The following ZRANB1 variants were observed in gnomAD, a reference collection of about 807,000 sequenced individuals.
The protein encoded by ZRANB1 is ubiquitin thioesterase ZRANB1.
A neutral mutation model predicts 80.5 loss-of-function variants in ZRANB1; 16 were observed. That is an observed-to-expected ratio of 0.20 (90% confidence interval 0.13 to 0.30). The LOEUF (loss-of-function observed/expected upper bound fraction) is 0.30, where lower values mean the gene tolerates loss of function less well. Ranked by LOEUF, ZRANB1 falls within the 10% of genes least tolerant of loss-of-function variation. ZRANB1 has a pLI of 1.00. For missense variants in ZRANB1, 576 were observed against 862.6 expected (o/e 0.67, Z 4.16); for synonymous variants, 291 against 293.1 (o/e 0.99, Z 0.07).
the ZRANB1 span, among the ~76,000 whole-genome samples, chr10:124,924,039 C>G: frequency 2.6e-5 from 4 of 151,888 alleles, no homozygotes; most frequent in East Asian, 7.7e-4. Flanking sequence ...GGTTTTTCAT[C>G]CTTTGTCAAG....
chr10:124,943,889 A>C (rs1951558522), intron 1 of ZRANB1, among the ~76,000 whole-genome samples: 1 of 152,246 alleles, frequency 6.6e-6, no homozygotes, highest in African/African-American at 2.4e-5. Context: ...TCAGATGTTA[A>C]AAATACCACA....
chr10:124,941,954 T>C (rs147855692), upstream of ZRANB1, among the ~76,000 whole-genome samples: 41 of 152,364 alleles, frequency 2.7e-4, 2 homozygotes, highest in East Asian at 7.9e-3. Flanking sequence ...TAAGTTGCTT[T>C]TCTCCCTTAG....
the ZRANB1 span, among the ~76,000 whole-genome samples, chr10:124,923,403 C>T: frequency 6.7e-6 from 1 of 150,372 alleles, no homozygotes; most frequent in South Asian, 2.1e-4. Context: ...ACCAACCTGA[C>T]CAACATGGTG....
intron 1 of ZRANB1, among the ~76,000 whole-genome samples, chr10:124,946,789 G>C (rs752792807): frequency 3.3e-5 from 5 of 152,058 alleles, no homozygotes; most frequent in Non-Finnish European, 7.4e-5. Context: ...TTAAAAAAAG[G>C]CTTGAGCAGT....
At chr10:124,962,095 G>T (rs1013130908) in intron 1 of ZRANB1, among the ~76,000 whole-genome samples, 1 of 152,174 alleles carries the variant, frequency 6.6e-6, no homozygotes, top group Admixed American at 6.5e-5. Flanking sequence ...ATATCTCCAG[G>T]TTCAGGATTA....
intron 5 of ZRANB1, among the ~76,000 whole-genome samples, chr10:124,979,856 A>C (rs1024358827): frequency 1.3e-5 from 2 of 152,192 alleles, no homozygotes; most frequent in East Asian, 3.8e-4. Flanking sequence ...CTGGACTCTT[A>C]ATATTTTTCT....
At position 124,984,048 on chromosome 10, in the gene ZRANB1, C is replaced by T. The variant is rs181491141; in HGVS notation, c.1908+360C>T. Among the ~76,000 whole-genome samples, 23 of 151,406 alleles carry T rather than the reference C, an allele frequency of 1.5e-4. No individual in the cohort carries two copies. In the East Asian group the frequency reaches 4.3e-3, roughly 28 times the overall value. ...GCAACAGGGAAAGAGAGAGGGTAGG[C>T]GGCAGGGGGAGGGAGGAAGGGAGAA... On this transcript the variant is annotated intron_variant, in intron 8 of 8. Coordinates refer to ENST00000359653, the MANE Select transcript of ZRANB1 (RefSeq NM_017580.3).
upstream of ZRANB1, among the ~76,000 whole-genome samples, chr10:124,938,152 A>T (rs1407083834): frequency 1.3e-5 from 2 of 152,188 alleles, no homozygotes; most frequent in African/African-American, 2.4e-5. Context: ...AGAGCTGGCT[A>T]CTTTGGAAAT....
chr10:124,936,524 A>T, the ZRANB1 span, among the ~76,000 whole-genome samples: 1 of 152,222 alleles, frequency 6.6e-6, no homozygotes, highest in South Asian at 2.1e-4. Context: ...AGGATTTGAT[A>T]ACCTGGTGAA....
At chr10:124,922,736 C>T in the ZRANB1 span, among the ~76,000 whole-genome samples, 1 of 151,116 alleles carries the variant, frequency 6.6e-6, no homozygotes, top group African/African-American at 2.4e-5. Flanking sequence ...CGTGATCTGC[C>T]CGCCTCTGCC....
Position 124,972,045 on chromosome 10 carries a change from C to G in ZRANB1, c.1083C>G (p.Ala361=). Reference sequence around the variant, plus strand: ...AACAAATCCGGAGAGAGATAGCTGCCTCTCTTCATCAGAGAAAGGGGGATT... The same window carrying G: ...AACAAATCCGGAGAGAGATAGCTGCGTCTCTTCATCAGAGAAAGGGGGATT... ...LTEQIRREIA[A]SLHQRKGDFA... The change falls in exon 3 of 9, where the codon GCC becomes GCG. Residue 361 remains alanine (A), a synonymous_variant. Transcript: ENST00000359653. 6.2e-7 allele frequency: 1 copy of G among 1,613,910 alleles called. No individual in the cohort carries two copies. Among genetic ancestry groups the G allele is most frequent in the Non-Finnish European group, 8.5e-7 (1 of 1,179,846 alleles).
intron 1 of ZRANB1, among the ~76,000 whole-genome samples, chr10:124,964,711 G>A (rs901450210): frequency 7.2e-5 from 11 of 152,162 alleles, no homozygotes; most frequent in African/African-American, 2.7e-4. Flanking sequence ...GAAAAAATTT[G>A]TAAGTAGATA....
At chr10:124,918,257 C>G in the ZRANB1 span, among the ~76,000 whole-genome samples, 2 of 152,168 alleles carry the variant, frequency 1.3e-5, no homozygotes, top group Non-Finnish European at 2.9e-5. Context: ...GTGGCGCTAT[C>G]TCGGCTCACC....
At position 124,984,833 on chromosome 10, in the gene ZRANB1, G is replaced by A. The variant is rs765377262; in HGVS notation, c.1968G>A (p.Thr656=). 13 of 1,613,850 alleles carry A rather than the reference G, an allele frequency of 8.1e-6. No individual in the cohort carries two copies. Among genetic ancestry groups the A allele is most frequent in the South Asian group, 5.5e-5 (5 of 91,058 alleles). ...LLREWLDCCV[T]EGGVLVAMQK... The stretch of plus-strand genomic sequence containing the variant: ...GGGAGTGGCTGGACTGCTGTGTGAC[G>A]GAGGGGGGAGTTCTGGTTGCCATGC... The change falls in exon 9 of 9, where the codon ACG becomes ACA. Residue 656 remains threonine, a synonymous_variant. Coordinates refer to ENST00000359653, the MANE Select transcript of ZRANB1 (RefSeq NM_017580.3).
the ZRANB1 span, among the ~76,000 whole-genome samples, chr10:124,932,281 ATTTTTTTT>A: frequency 4.3e-4 from 50 of 115,312 alleles, no homozygotes; most frequent in African/African-American, 1.5e-3. Flanking sequence ...GGGTGTAAAG[ATTTTTTTT>A]TTTTTTTTTT....
upstream of ZRANB1, among the ~76,000 whole-genome samples, chr10:124,937,759 G>C (rs1951501243): frequency 6.6e-6 from 1 of 152,116 alleles, no homozygotes; most frequent in South Asian, 2.1e-4. Flanking sequence ...TACGAATTTA[G>C]TACTTGTCAA....
At chr10:124,981,072 A>G (rs978073604) in intron 5 of ZRANB1, among the ~76,000 whole-genome samples, 1 of 152,276 alleles carries the variant, frequency 6.6e-6, no homozygotes, top group Non-Finnish European at 1.5e-5. Context: ...TTTATAAGAC[A>G]GTGAACCATA....
At chr10:124,921,533 C>T in the ZRANB1 span, among the ~76,000 whole-genome samples, 1 of 152,144 alleles carries the variant, frequency 6.6e-6, no homozygotes, top group East Asian at 1.9e-4. Context: ...TTTATGGGTA[C>T]ACAGTCTCTT....
the ZRANB1 span, among the ~76,000 whole-genome samples, chr10:124,926,887 A>G: frequency 6.6e-6 from 1 of 152,252 alleles, no homozygotes; most frequent in East Asian, 1.9e-4. Context: ...ATATAATCTT[A>G]TGGGGACTAC....
Sources: allele counts gnomAD v4.1 joint callset (sites outside exome capture counted in the v4.1 genomes callset), GRCh38; gene constraint gnomAD v4.1.1; transcripts MANE v1.5; gene names NCBI Gene and HGNC (gene_info 2026-07-23, HGNC 2026-07-21).